Variants in RBMS1 observed in about 807,000 individuals in gnomAD.
RBMS1 encodes RNA-binding motif, single-stranded-interacting protein 1.
In RBMS1, 17 loss-of-function variants were observed where a neutral mutation model predicts 62.3. The ratio of observed to expected loss-of-function variants is 0.27; its 90% confidence interval spans 0.19 to 0.41. The LOEUF is 0.41. Ranked by LOEUF, RBMS1 falls within the 10% of genes least tolerant of loss-of-function variation. The pLI, the probability that RBMS1 is intolerant of heterozygous loss-of-function variation, is 1.00. For missense variants in RBMS1, 334 were observed against 504.5 expected, an observed-to-expected ratio of 0.66 and a Z score of 3.24; for synonymous variants, 172 against 170.0, an observed-to-expected ratio of 1.01 and a Z score of -0.09.
In RBMS1 at chr2:160,367,385, G is replaced by C. The variant is rs754234920; in HGVS notation, c.82C>G (p.Leu28Val). 4.3e-6 allele frequency: 7 copies of C among 1,614,080 alleles called. No individual in the cohort carries two copies. In the South Asian group the frequency reaches 6.6e-5, roughly 15 times the overall value. ...GGGGCCATGGGGTGGGCTGGGACCA[G>C]AGACTGCTGGAAAACAAAGATCAGG... ...YPQYLQAKQS[L>V]VPAHPMAPPS... Residue 28 changes from leucine (L) to valine (V), a missense_variant, in exon 2 of 14, where the codon CTG (leucine) becomes GTG (valine). Leu to Val is a conservative substitution (Grantham distance 32). This residue lies in a region of RBMS1 where 150 missense variants were observed against 228.0 expected (regional missense o/e 0.66). Transcript: ENST00000348849.
At chr2:160,438,304 C>G (rs1391841600) in intron 1 of RBMS1, among the ~76,000 whole-genome samples, 1 of 147,234 alleles carries the variant, frequency 6.8e-6, no homozygotes, top group African/African-American at 2.5e-5. Flanking sequence ...GTGTTTCTCG[C>G]AGAGGGGGAT....
chr2:160,396,997 A>C (rs1695182401), intron 1 of RBMS1, among the ~76,000 whole-genome samples: 1 of 152,104 alleles, frequency 6.6e-6, no homozygotes, highest in South Asian at 2.1e-4. Flanking sequence ...TCTTGATTTC[A>C]CGTTTCCTTA....
Position 160,450,199 on chromosome 2 carries a change from A to G in RBMS1, c.75+43090T>C, listed in dbSNP as rs116360693. On this transcript the variant is annotated intron_variant, in intron 1 of 13. Transcript: ENST00000348849. ...ATCTACGAGGGGTGCTAAGCACTCTATGGGAATCACTTCATGCAATCTTCA... is the reference window on the plus strand; with the variant it reads ...ATCTACGAGGGGTGCTAAGCACTCTGTGGGAATCACTTCATGCAATCTTCA... Among the ~76,000 whole-genome samples, 906 of 152,316 alleles carry G rather than the reference A, an allele frequency of 5.9e-3. 3 individuals carry two copies. Among genetic ancestry groups the G allele is most frequent in the Admixed American group, 0.012 (178 of 15,300 alleles).
chr2:160,481,320 A>G (rs2105357111), intron 1 of RBMS1, among the ~76,000 whole-genome samples: 1 of 151,818 alleles, frequency 6.6e-6, no homozygotes, highest in African/African-American at 2.4e-5. Flanking sequence ...TTGCAGGCCT[A>G]AATGTGAAAG....
chr2:160,431,598 G>A (rs997353366), intron 1 of RBMS1, among the ~76,000 whole-genome samples: 5 of 151,762 alleles, frequency 3.3e-5, no homozygotes, highest in African/African-American at 4.9e-5. Context: ...ACATATCTCT[G>A]CAAGACTTGA....
chr2:160,462,181 A>G (rs1559581732), intron 1 of RBMS1, among the ~76,000 whole-genome samples: 1 of 152,202 alleles, frequency 6.6e-6, no homozygotes, highest in Non-Finnish European at 1.5e-5. Flanking sequence ...AGGGTATTCA[A>G]GTGACCTGAC....
At chr2:160,322,858 G>A (rs981956930) in intron 2 of RBMS1, among the ~76,000 whole-genome samples, 3 of 152,256 alleles carry the variant, frequency 2.0e-5, no homozygotes, top group African/African-American at 7.2e-5. Context: ...TATAGAACCA[G>A]TAGTTTTTGA....
chr2:160,411,972 G>T (rs988698761), intron 1 of RBMS1, among the ~76,000 whole-genome samples: 2 of 152,178 alleles, frequency 1.3e-5, no homozygotes, highest in African/African-American at 4.8e-5. Context: ...TCTAAAAAAA[G>T]GTCTGTTTCA....
chr2:160,354,704 C>A (rs1214609519), intron 2 of RBMS1, among the ~76,000 whole-genome samples: 4 of 152,106 alleles, frequency 2.6e-5, no homozygotes, highest in Non-Finnish European at 5.9e-5. Context: ...GCTGATCTCC[C>A]ATGCAGATTC....
chr2:160,290,260 C>G (rs190371237), intron 6 of RBMS1, among the ~76,000 whole-genome samples: 120 of 150,982 alleles, frequency 7.9e-4, no homozygotes, highest in African/African-American at 2.7e-3. Flanking sequence ...TTGTTTTTTA[C>G]AAGGGAGAGA....
intron 1 of RBMS1, among the ~76,000 whole-genome samples, chr2:160,388,357 G>C (rs980522859): frequency 1.3e-5 from 2 of 152,114 alleles, no homozygotes; most frequent in African/African-American, 4.8e-5. Context: ...TTTTGCCGGC[G>C]ACAGAGGGAC....
chr2:160,451,199 T>G (rs1472461230), intron 1 of RBMS1, among the ~76,000 whole-genome samples: 1 of 151,258 alleles, frequency 6.6e-6, no homozygotes, highest in Non-Finnish European at 1.5e-5. Flanking sequence ...GAAAATATCA[T>G]AACATGTTTA....
intron 1 of RBMS1, among the ~76,000 whole-genome samples, chr2:160,393,886 C>A (rs1694998507): frequency 6.6e-6 from 1 of 152,140 alleles, no homozygotes; most frequent in African/African-American, 2.4e-5. Context: ...TACAAATAAG[C>A]TATGCGATGT....
intron 1 of RBMS1, among the ~76,000 whole-genome samples, chr2:160,404,878 T>A (rs140570350): frequency 1.3e-5 from 2 of 152,208 alleles, no homozygotes; most frequent in Non-Finnish European, 2.9e-5. Context: ...TGGGCTATGA[T>A]GCAGATAAGT....
At chr2:160,407,931 G>A (rs1442598073) in intron 1 of RBMS1, 1 of 979,858 alleles carries the variant, frequency 1.0e-6, no homozygotes, top group Non-Finnish European at 1.2e-6. Context: ...GGGCGGGGAG[G>A]CGGCAGCGCA....
chr2:160,418,013 C>T (rs567885949), intron 1 of RBMS1, among the ~76,000 whole-genome samples: 19 of 152,308 alleles, frequency 1.2e-4, no homozygotes, highest in African/African-American at 4.6e-4. Context: ...CTGCTTCCCT[C>T]CTCAGCTCTC....
intron 9 of RBMS1, chr2:160,281,792 C>A: frequency 5.5e-6 from 1 of 180,762 alleles, no homozygotes; most frequent in Non-Finnish European, 1.2e-5. Context: ...AGAAGCTAAC[C>A]CTTAAAGTAT....
chr2:160,275,559 T>C (rs1046245616), intron 13 of RBMS1, 71 bp downstream of exon 13: 10 of 1,551,452 alleles, frequency 6.4e-6, no homozygotes, highest in Non-Finnish European at 8.8e-6. Context: ...ATCACCATTC[T>C]GATTTTAAAA....
At chr2:160,489,388 G>A (rs916765299) in intron 1 of RBMS1, among the ~76,000 whole-genome samples, 3 of 152,040 alleles carry the variant, frequency 2.0e-5, no homozygotes, top group African/African-American at 4.8e-5. Flanking sequence ...GACACAAAGC[G>A]CCCCATGTCT....
Sources: gnomAD v4.1 joint callset for allele counts (sites outside exome capture counted in the v4.1 genomes callset) on GRCh38, gnomAD v4.1.1 for gene constraint, gnomAD v4.1.1 regional missense constraint, MANE v1.5 for transcripts, NCBI Gene and HGNC (gene_info 2026-07-23, HGNC 2026-07-21) for gene names.